ATP9B: variants seen among roughly 807,000 people sequenced by gnomAD.
ATP9B encodes ATPase phospholipid transporting 9B.
ATP9B carries 110 observed loss-of-function variants against 146.1 expected under a neutral mutation model. The ratio of observed to expected loss-of-function variants is 0.75; its 90% CI spans 0.65 to 0.88. The LOEUF (loss-of-function observed/expected upper bound fraction) is 0.88, where lower values mean the gene tolerates loss of function less well. Among genes scored for constraint, ATP9B ranks in the 40% least tolerant of loss-of-function variants. The probability of loss-of-function intolerance (pLI) is 0.00; values close to 1 mark genes in which losing one functional copy is unlikely to be tolerated. For synonymous variants in ATP9B, 604 were observed against 569.7 expected, an observed-to-expected ratio of 1.06 and a Z score of -0.86; for missense variants, 1,499 against 1,496.4, an observed-to-expected ratio of 1.00 and a Z score of -0.03.
chr18:79,279,123 C>T (rs1473927997), intron 13 of ATP9B, among the ~76,000 whole-genome samples: 4 of 152,108 alleles, frequency 2.6e-5, no homozygotes, highest in African/African-American at 4.8e-5. Flanking sequence ...CCTGTGAGAG[C>T]AGGTGACCAC....
intron 24 of ATP9B, 69 bp from the exon 25 acceptor site, chr18:79,348,063 C>T: frequency 6.2e-7 from 1 of 1,606,450 alleles, no homozygotes. Flanking sequence ...AGCGAGGCCC[C>T]TGAGAGGCTT....
intron 26 of ATP9B, among the ~76,000 whole-genome samples, chr18:79,369,122 T>C (rs1035087377): frequency 1.2e-4 from 19 of 152,148 alleles, no homozygotes; most frequent in African/African-American, 4.1e-4. Flanking sequence ...ACAGGCGAAA[T>C]TTGTTGTTGT....
intron 13 of ATP9B, among the ~76,000 whole-genome samples, chr18:79,293,358 G>A (rs2096525497): frequency 6.6e-6 from 1 of 152,058 alleles, no homozygotes; most frequent in Non-Finnish European, 1.5e-5. Flanking sequence ...AAGAGGTGGG[G>A]CCGTTAAGAG....
At position 79,244,058 on chromosome 18, in the gene ATP9B, A is replaced by G. The variant is rs1318181257; in HGVS notation, c.1108-9323A>G. Reference sequence around the variant, plus strand: ...ATAAAATTAGTGATCTTGTTTACTAATAATCATTTAACCATTCTCTTTTCT... The same window carrying G: ...ATAAAATTAGTGATCTTGTTTACTAGTAATCATTTAACCATTCTCTTTTCT... On this transcript the variant is annotated intron_variant, in intron 11 of 29. Coordinates refer to ENST00000426216, the MANE Select transcript of ATP9B (RefSeq NM_198531.5). Among the ~76,000 whole-genome samples, 4 of 152,356 alleles carry G rather than the reference A, an allele frequency of 2.6e-5. No homozygotes were observed. In the East Asian group the frequency reaches 7.7e-4, roughly 29 times the overall value.
chr18:79,246,620 T>C (rs1240743385), intron 11 of ATP9B, among the ~76,000 whole-genome samples: 1 of 152,280 alleles, frequency 6.6e-6, no homozygotes, highest in Non-Finnish European at 1.5e-5. Flanking sequence ...TGTGATGTGC[T>C]GGACTGGTTG....
At position 79,157,424 on chromosome 18, in the gene ATP9B, A is replaced by AAAAAAAAAAC. The variant is rs1600016675; in HGVS notation, c.778+2869_778+2870insAAAAAAAAAC. ...AAAAAAAAAAAAAAAAAAAAAAAAA[A>AAAAAAAAAAC]CATGTATTGACTTATAGTTTTGGTT... On this transcript the variant is annotated intron_variant, in intron 7 of 29. Transcript: ENST00000426216. Among the ~76,000 whole-genome samples, 8 of 140,576 alleles carry AAAAAAAAAAC rather than the reference A, an allele frequency of 5.7e-5. No homozygotes were observed. In the East Asian group the frequency reaches 1.4e-3, roughly 25 times the overall value. The allele number at this position is 140,576 out of a possible 152,430, so 92.2% of individuals were successfully genotyped here. A position where few individuals can be genotyped will look rare whatever the true frequency, so the allele number is the denominator to read the frequency against.
chr18:79,308,199 T>C (rs2096629604), intron 15 of ATP9B, among the ~76,000 whole-genome samples: 1 of 152,130 alleles, frequency 6.6e-6, no homozygotes, highest in Non-Finnish European at 1.5e-5. Context: ...ACTGAGAGGT[T>C]GCAGAGGAAC....
At position 79,359,425 on chromosome 18, in the gene ATP9B, C is replaced by T. The variant is rs2096973818; in HGVS notation, c.2975C>T (p.Ala992Val). ...VLDQDVKPEM[A>V]MLYPELYKDL... ...GACCAGGACGTGAAGCCAGAGATGG[C>T]GATGCTCTACCCGGAGCTGTACAAG... The change falls in exon 26 of 30, where the codon GCG becomes GTG. Residue 992 changes from alanine to valine, a missense_variant. Transcript: ENST00000426216. The T allele has an allele frequency of 1.2e-6, 2 of 1,613,922 alleles. No homozygotes were observed. Among genetic ancestry groups the T allele is most frequent in the African/African-American group, 1.3e-5 (1 of 75,002 alleles).
intron 15 of ATP9B, among the ~76,000 whole-genome samples, chr18:79,325,115 C>T (rs2096737107): frequency 3.9e-5 from 6 of 152,162 alleles, no homozygotes; most frequent in Admixed American, 3.9e-4. Flanking sequence ...ACCCCAGATG[C>T]CGGAGGACAC....
intron 10 of ATP9B, among the ~76,000 whole-genome samples, chr18:79,213,279 G>A (rs980949979): frequency 8.6e-5 from 13 of 151,972 alleles, no homozygotes; most frequent in Non-Finnish European, 1.0e-4. Flanking sequence ...GATTTCCATG[G>A]TTTTTAATAC....
intron 21 of ATP9B, 112 bp downstream of exon 21, chr18:79,344,466 A>G (rs1258414184): frequency 1.1e-6 from 1 of 918,030 alleles, no homozygotes; most frequent in Non-Finnish European, 1.7e-6. Context: ...GAGTGAGTAC[A>G]TGTCTGTCTG....
At position 79,342,299 on chromosome 18, in the gene ATP9B, C is replaced by T; in HGVS notation, c.2315C>T (p.Thr772Ile). 1 of 1,613,728 alleles carries T rather than the reference C, an allele frequency of 6.2e-7. No individual in the cohort carries two copies. The highest frequency in any genetic ancestry group is 2.2e-5 in the East Asian group (1 of 44,866). Residue 772 changes from threonine to isoleucine, a missense_variant, in exon 20 of 30, where the codon ACA becomes ATA. Thr to Ile is a moderately conservative substitution (Grantham distance 89, BLOSUM62 -1). Coordinates refer to ENST00000426216, the MANE Select transcript of ATP9B (RefSeq NM_198531.5). ...ATGCTAACAGGCGATAAACTCGAGA[C>T]AGCTACCTGCATTGCCAAAAGTTCA... is the stretch of plus-strand genomic sequence containing the variant. ...IWMLTGDKLE[T>I]ATCIAKSSHL...
intron 9 of ATP9B, among the ~76,000 whole-genome samples, chr18:79,195,584 C>G (rs945674694): frequency 6.6e-6 from 1 of 152,118 alleles, no homozygotes; most frequent in Non-Finnish European, 1.5e-5. Flanking sequence ...GAAAGAACAC[C>G]ATAAATCAGA....
chr18:79,275,369 A>G (rs1234732378), intron 12 of ATP9B, among the ~76,000 whole-genome samples: 1 of 152,216 alleles, frequency 6.6e-6, no homozygotes, highest in Non-Finnish European at 1.5e-5. Flanking sequence ...CTTTCTCCAA[A>G]GCCCAAATCA....
At chr18:79,202,163 G>A (rs115571924) in intron 9 of ATP9B, among the ~76,000 whole-genome samples, 3,381 of 152,304 alleles carry the variant, frequency 0.022, 129 homozygotes, top group African/African-American at 0.078. Flanking sequence ...GAGATGTGGC[G>A]CTGTGATGGT....
chr18:79,158,113 G>A (rs1022832305), intron 7 of ATP9B, among the ~76,000 whole-genome samples: 2 of 151,790 alleles, frequency 1.3e-5, no homozygotes, highest in Admixed American at 1.3e-4. Context: ...TTACTTGAGG[G>A]TCTTTTTTAG....
chr18:79,090,606 T>G (rs2074244381), intron 1 of ATP9B, among the ~76,000 whole-genome samples: 1 of 152,228 alleles, frequency 6.6e-6, no homozygotes, highest in South Asian at 2.1e-4. Flanking sequence ...CTTTTGCCCA[T>G]TTTTTATTAG....
At chr18:79,376,196 C>G in intron 29 of ATP9B, 1 of 968,038 alleles carries the variant, frequency 1.0e-6, no homozygotes, top group Non-Finnish European at 1.2e-6. Context: ...CACACACACA[C>G]ACACACACAC....
chr18:79,267,349 T>G (rs2096213726), intron 12 of ATP9B, among the ~76,000 whole-genome samples: 1 of 152,076 alleles, frequency 6.6e-6, no homozygotes, highest in East Asian at 1.9e-4. Context: ...AGCTTTCATT[T>G]CTTATGGAAA....
Sources: allele counts gnomAD v4.1 joint callset (sites outside exome capture counted in the v4.1 genomes callset), GRCh38; gene constraint gnomAD v4.1.1; transcripts MANE v1.5; gene names NCBI Gene and HGNC (gene_info 2026-07-23, HGNC 2026-07-21).